The following SUZ12 variants were observed in gnomAD, a reference collection of about 807,000 sequenced individuals.
SUZ12 encodes the protein SUZ12 polycomb repressive complex 2 subunit.
SUZ12 carries 17 observed loss-of-function variants against 87.3 expected under a neutral mutation model. The ratio of observed to expected loss-of-function variants is 0.19; its 90% CI spans 0.13 to 0.29. The LOEUF is 0.29. Among genes scored for constraint, SUZ12 ranks in the 10% least tolerant of loss-of-function variants. The pLI, the probability that SUZ12 is intolerant of heterozygous loss-of-function variation, is 1.00. For missense variants in SUZ12, 526 were observed against 912.2 expected, an observed-to-expected ratio of 0.58 and a Z score of 5.45; for synonymous variants, 253 against 312.4, an observed-to-expected ratio of 0.81 and a Z score of 2.01.
chr17:31,946,714 A>G (rs889466006), intron 3 of SUZ12, among the ~76,000 whole-genome samples: 8 of 152,210 alleles, frequency 5.3e-5, no homozygotes, highest in Non-Finnish European at 1.0e-4. Flanking sequence ...ATTTTTTCTA[A>G]TTAAATTATA....
intron 10 of SUZ12, among the ~76,000 whole-genome samples, chr17:31,990,829 C>T (rs1909682634): frequency 6.6e-6 from 1 of 152,000 alleles, no homozygotes; most frequent in Non-Finnish European, 1.5e-5. Context: ...CTCACTGAAA[C>T]CACCGCCTCC....
intron 9 of SUZ12, among the ~76,000 whole-genome samples, chr17:31,985,521 G>A (rs371067203): frequency 6.6e-6 from 1 of 151,224 alleles, no homozygotes; most frequent in African/African-American, 2.4e-5. Context: ...TATCTATACT[G>A]TTTGGGTTTT....
intron 10 of SUZ12, among the ~76,000 whole-genome samples, chr17:31,990,404 C>T (rs1909662165): frequency 6.6e-6 from 1 of 152,052 alleles, no homozygotes; most frequent in South Asian, 2.1e-4. Context: ...AGCCACCGCG[C>T]CCAGGCTGCA....
rs1317747708 is a variant in SUZ12, at chr17:31,939,713, A to G, written c.275-573A>G. Among the ~76,000 whole-genome samples, 5 of 151,996 alleles carry G rather than the reference A, an allele frequency of 3.3e-5. No individual in the cohort carries two copies. In the South Asian group the frequency reaches 1.0e-3, roughly 32 times the overall value. On this transcript the variant is annotated intron_variant, in intron 1 of 15. Coordinates refer to ENST00000322652, the MANE Select transcript of SUZ12 (RefSeq NM_015355.4). ...GGCTGTTTTTGTATATTTGGTGGAGACAGGGTTTCTCCATGTTGGTCAGGC... is the reference window on the plus strand; with the variant it reads ...GGCTGTTTTTGTATATTTGGTGGAGGCAGGGTTTCTCCATGTTGGTCAGGC...
chr17:31,949,713 A>G lies in SUZ12; in HGVS notation c.455+2028A>G, dbSNP rs371900861. ...TTTTTTTTTTTTTTTTTTGAGACCA[A>G]GTCTCCCTCTTGCTGAGGCTGGAGT... On this transcript the variant is annotated intron_variant, in intron 4 of 15. Transcript: ENST00000322652. Among the ~76,000 whole-genome samples the G allele has an allele frequency of 9.9e-4, 79 of 79,862 alleles. No homozygotes were observed. The East Asian group carries it at 0.028, about 29-fold the overall frequency. The allele number at this position is 79,862 out of a possible 152,430, so 52.4% of individuals were successfully genotyped here.
rs949509220 is a variant in SUZ12, at chr17:31,937,215, G to T, written c.-32G>T. The T allele has an allele frequency of 5.7e-6, 8 of 1,398,418 alleles. No individual in the cohort carries two copies. The highest frequency in any genetic ancestry group is 7.4e-6 in the Non-Finnish European group (8 of 1,087,236). The allele number at this position is 1,398,418 out of a possible 1,614,324, so 86.6% of individuals were successfully genotyped here. A position where few individuals can be genotyped will look rare whatever the true frequency, so the allele number is the denominator to read the frequency against. On this transcript the variant is annotated 5_prime_UTR_variant, in exon 1 of 16. Transcript: ENST00000322652. ...CTTGCTCTCCGGGGCCGCCCGGCGGGTAGCTGGCGGGGGGAGGAGGCAGGA... is the reference window on the plus strand; with the variant it reads ...CTTGCTCTCCGGGGCCGCCCGGCGGTTAGCTGGCGGGGGGAGGAGGCAGGA...
intron 2 of SUZ12, 31 bp from the exon 3 acceptor site, chr17:31,940,391 A>G (rs1906201157): frequency 1.9e-6 from 3 of 1,584,990 alleles, no homozygotes; most frequent in Non-Finnish European, 2.6e-6. Flanking sequence ...ATCTGTATTC[A>G]ATTTTAACAT....
chr17:31,991,927 A>G (rs1909741589), intron 10 of SUZ12, among the ~76,000 whole-genome samples: 1 of 152,024 alleles, frequency 6.6e-6, no homozygotes, highest in South Asian at 2.1e-4. Context: ...AATAAGTATA[A>G]CTTACTTTCT....
At position 31,995,069 on chromosome 17, in the gene SUZ12, C is replaced by G. The variant is rs532603237; in HGVS notation, c.1595+348C>G. Among the ~76,000 whole-genome samples, 11 of 152,196 alleles carry G rather than the reference C, an allele frequency of 7.2e-5. No homozygotes were observed. In the East Asian group the frequency reaches 1.2e-3, roughly 16 times the overall value. Reference sequence around the variant, plus strand: ...CGAGGTTGTGCCATTGCACTCCGGCCTGGGCAACAAGAGCAAAACTTCGTC... The same window carrying G: ...CGAGGTTGTGCCATTGCACTCCGGCGTGGGCAACAAGAGCAAAACTTCGTC... On this transcript the variant is annotated intron_variant, in intron 13 of 15. Transcript: ENST00000322652.
chr17:31,983,293 T>TTTTTTTTTA (rs1909218565), intron 9 of SUZ12, among the ~76,000 whole-genome samples, 189 bp downstream of exon 9: 2 of 146,914 alleles, frequency 1.4e-5, no homozygotes, highest in African/African-American at 4.9e-5. Context: ...TTTTTTTTTT[T>TTTTTTTTTA]GAGGGGGAGT....
At chr17:31,970,529 G>A (rs1220628218) in intron 5 of SUZ12, among the ~76,000 whole-genome samples, 1 of 152,008 alleles carries the variant, frequency 6.6e-6, no homozygotes, top group African/African-American at 2.4e-5. Context: ...TCTGGAGATT[G>A]AATCATGAGA....
chr17:31,969,044 C>T (rs529823057), intron 5 of SUZ12, among the ~76,000 whole-genome samples: 1 of 152,294 alleles, frequency 6.6e-6, no homozygotes, highest in South Asian at 2.1e-4. Context: ...GTAGTTTGAT[C>T]TCAGATCACT....
intron 12 of SUZ12, 132 bp downstream of exon 12, chr17:31,994,140 C>G: frequency 1.2e-6 from 1 of 812,840 alleles, no homozygotes; most frequent in Non-Finnish European, 1.8e-6. Flanking sequence ...TACAAGATAG[C>G]ATGACTTTCA....
rs566138053 is a variant in SUZ12, at chr17:32,000,521, A to G, written c.*1518A>G. ...TGCAGCTTTCATTACAGATTCCTTG[A>G]TTGGTAAGCTCTCCAAATGATGAGT... On this transcript the variant is annotated 3_prime_UTR_variant, in exon 16 of 16. Transcript: ENST00000322652. The G allele has an allele frequency of 5.2e-5, 12 of 231,456 alleles. No individual in the cohort carries two copies. The highest frequency in any genetic ancestry group is 7.7e-5 in the Non-Finnish European group (9 of 117,190). 14.3% of individuals were successfully genotyped at this position (231,456 alleles called of 1,614,324 possible).
chr17:31,980,091 A>G (rs1166496954), intron 8 of SUZ12, among the ~76,000 whole-genome samples: 1 of 151,990 alleles, frequency 6.6e-6, no homozygotes, highest in Non-Finnish European at 1.5e-5. Context: ...TGGGAGTCCA[A>G]GGCGGGAAGA....
chr17:31,940,995 G>A (rs1906242326), intron 3 of SUZ12, among the ~76,000 whole-genome samples: 1 of 151,606 alleles, frequency 6.6e-6, no homozygotes, highest in Non-Finnish European at 1.5e-5. Context: ...GGGCAACAGA[G>A]CGAGACTCTA....
rs1488633409 is a variant in SUZ12, at chr17:32,000,887, C to T, written c.*1884C>T. 1 of 221,662 alleles carries T rather than the reference C, an allele frequency of 4.5e-6. No homozygotes were observed. The highest frequency in any genetic ancestry group is 5.7e-5 in the Admixed American group (1 of 17,392). The allele number at this position is 221,662 out of a possible 1,614,324, so 13.7% of individuals were successfully genotyped here. A position where few individuals can be genotyped will look rare whatever the true frequency, so the allele number is the denominator to read the frequency against. On this transcript the variant is annotated 3_prime_UTR_variant, in exon 16 of 16. Coordinates refer to ENST00000322652, the MANE Select transcript of SUZ12 (RefSeq NM_015355.4). ...GCTTTTCTATATGTACCCTTGATAA[C>T]AGATTTTGAAGAAATCCTGTAAGAT... is the stretch of plus-strand genomic sequence containing the variant.
At chr17:31,961,312 C>G (rs1037455864) in intron 4 of SUZ12, among the ~76,000 whole-genome samples, 1 of 152,014 alleles carries the variant, frequency 6.6e-6, no homozygotes, top group Admixed American at 6.6e-5. Context: ...ACTGGGAGGC[C>G]GAGGTGGGTG....
chr17:31,953,356 C>G (rs925800796), intron 4 of SUZ12, among the ~76,000 whole-genome samples: 3 of 152,142 alleles, frequency 2.0e-5, no homozygotes, highest in African/African-American at 7.2e-5. Flanking sequence ...GGTGGTCCAT[C>G]CGCCTCGACC....
Sources: gnomAD v4.1 joint callset for allele counts (sites outside exome capture counted in the v4.1 genomes callset) on GRCh38, gnomAD v4.1.1 for gene constraint, MANE v1.5 for transcripts, NCBI Gene and HGNC (gene_info 2026-07-23, HGNC 2026-07-21) for gene names.